Variants in ZSCAN26 observed in about 807,000 individuals in gnomAD.
The protein encoded by ZSCAN26 is zinc finger and SCAN domain-containing protein 26.
In ZSCAN26, 26 loss-of-function variants were observed where a neutral mutation model predicts 23.0. That is an observed-to-expected ratio of 1.13 (90% CI 0.83 to 1.57). The LOEUF (loss-of-function observed/expected upper bound fraction) is 1.57, where lower values mean the gene tolerates loss of function less well. ZSCAN26 is among the 40% of genes most tolerant of loss of function. The pLI, the probability that ZSCAN26 is intolerant of heterozygous loss-of-function variation, is 0.00. For synonymous variants in ZSCAN26, 180 were observed against 202.5 expected (o/e 0.89, Z 0.94); for missense variants, 528 against 568.5 (o/e 0.93, Z 0.72).
At chr6:28,273,302 G>C (rs900627722) in intron 3 of ZSCAN26, among the ~76,000 whole-genome samples, 3 of 152,146 alleles carry the variant, frequency 2.0e-5, no homozygotes, top group Non-Finnish European at 4.4e-5. Context: ...CAACACTTTG[G>C]GGGGCCAAGG....
chr6:28,271,312 G>GA (rs1349098088), intron 1 of ZSCAN26, among the ~76,000 whole-genome samples: 5 of 152,046 alleles, frequency 3.3e-5, no homozygotes, highest in Non-Finnish European at 7.4e-5. Context: ...TTTTTTGTCT[G>GA]AAAAAACTTT....
chr6:28,277,104 T>G lies in ZSCAN26; in HGVS notation c.*8T>G. The G allele has an allele frequency of 6.2e-7, 1 of 1,608,118 alleles. No homozygotes were observed. Among genetic ancestry groups the G allele is most frequent in the East Asian group, 2.2e-5 (1 of 44,840 alleles). The stretch of plus-strand genomic sequence containing the variant: ...AAAGACAAACTGGCTTGATGAGGTG[T>G]TCTCTCCTTGTAGAACATCAGAGAA... On this transcript the variant is annotated 3_prime_UTR_variant, in exon 4 of 4. Coordinates refer to ENST00000421553, the MANE Select transcript of ZSCAN26 (RefSeq NM_001023560.4).
chr6:28,272,633 T>C lies in ZSCAN26; in HGVS notation c.421-37T>C, dbSNP rs142223253. On this transcript the variant is annotated intron_variant, in intron 2 of 3. Transcript: ENST00000421553. ...AACAGCAGTTTCCTAAACCCACATA[T>C]ATCTAATTATGCCTCCATATACCTA... The C allele has an allele frequency of 9.6e-4, 1,455 of 1,508,280 alleles. 34 individuals carry two copies. In the East Asian group the frequency reaches 0.032, roughly 33 times the overall value. The allele number at this position is 1,508,280 out of a possible 1,614,324, so 93.4% of individuals were successfully genotyped here. A position where few individuals can be genotyped will look rare whatever the true frequency, so the allele number is the denominator to read the frequency against.
intron 1 of ZSCAN26, among the ~76,000 whole-genome samples, chr6:28,271,315 A>G (rs1581609101): frequency 6.6e-6 from 1 of 152,012 alleles, no homozygotes; most frequent in Non-Finnish European, 1.5e-5. Context: ...TTTGTCTGAA[A>G]AAACTTTCTC....
At position 28,276,507 on chromosome 6, in the gene ZSCAN26, A is replaced by G; in HGVS notation, c.851A>G (p.Gln284Arg). The change falls in exon 4 of 4, where the codon CAG becomes CGG. Residue 284 changes from glutamine to arginine, a missense_variant. Physicochemically the swap from Gln to Arg is conservative, Grantham distance 43. Transcript: ENST00000421553. ...KKVLSREKGHQCHECGKAFQR... is the reference protein window; with the variant it reads ...KKVLSREKGHRCHECGKAFQR... ...GTCCTCTCTAGAGAGAAAGGTCATC[A>G]GTGTCATGAGTGTGGGAAAGCCTTT... 6.2e-7 allele frequency: 1 copy of G among 1,613,990 alleles called. No homozygotes were observed. The highest frequency in any genetic ancestry group is 8.5e-7 in the Non-Finnish European group (1 of 1,179,872).
Position 28,271,959 on chromosome 6 carries a change from C to G in ZSCAN26, c.40C>G (p.Leu14Val), listed in dbSNP as rs1273703535. The G allele has an allele frequency of 3.2e-6, 5 of 1,551,658 alleles. No individual in the cohort carries two copies. The highest frequency in any genetic ancestry group is 2.0e-5 in the Admixed American group (1 of 51,000). ...GGTGAGTGCCCATTCCCTGGCTCCC[C>G]TGAATCTGAAGAAGGAGGGGCTTCG... is the stretch of plus-strand genomic sequence containing the variant. ...ALVSAHSLAPLNLKKEGLRVV... is the reference protein window; with the variant it reads ...ALVSAHSLAPVNLKKEGLRVV... The change falls in exon 2 of 4, where the codon CTG (leucine) becomes GTG (valine). Residue 14 changes from leucine (L) to valine (V), a missense_variant. Coordinates refer to ENST00000421553, the MANE Select transcript of ZSCAN26 (RefSeq NM_001023560.4).
intron 1 of ZSCAN26, among the ~76,000 whole-genome samples, chr6:28,271,440 A>G (rs1371532563): frequency 1.3e-5 from 2 of 151,554 alleles, no homozygotes; most frequent in African/African-American, 4.9e-5. Context: ...CCCAGGCTGA[A>G]CTCAGACTCC....
At chr6:28,271,783 C>A in intron 1 of ZSCAN26, 71 bp from the exon 2 acceptor site, 2 of 791,100 alleles carry the variant, frequency 2.5e-6, no homozygotes, top group Non-Finnish European at 3.9e-6. Context: ...ATGTATAAAC[C>A]CAAGAAAATG....
chr6:28,269,167 CAT>C (rs984740258), intron 1 of ZSCAN26, among the ~76,000 whole-genome samples: 5 of 150,804 alleles, frequency 3.3e-5, no homozygotes, highest in African/African-American at 4.9e-5. Flanking sequence ...CATCATACCA[CAT>C]GTTTATTTAT....
Position 28,276,370 on chromosome 6 carries a change from G to GC in ZSCAN26, c.715dup (p.Gln239ProfsTer11). On this transcript the variant is annotated frameshift_variant, in exon 4 of 4. Coordinates refer to ENST00000421553, the MANE Select transcript of ZSCAN26 (RefSeq NM_001023560.4). LOFTEE classifies it low-confidence loss of function (END_TRUNC). ...TTGAGTATAAATGCTCAGAACGTGA[G>GC]CAGAGATTCATCCAGCACTTGGACC... The GC allele has an allele frequency of 6.2e-7, 1 of 1,614,018 alleles. No homozygotes were observed. The highest frequency in any genetic ancestry group is 1.3e-5 in the African/African-American group (1 of 75,058).
chr6:28,276,210 T>C lies in ZSCAN26; in HGVS notation c.554T>C (p.Ile185Thr), dbSNP rs1761923483. ...AATATTGCAGGTGAGGAGACAAGGA[T>C]TGAGAATGGGAAGCTTATTGTAGTA... ...PEKEKGEETR[I>T]ENGKLIVVTD... Residue 185 changes from isoleucine (I) to threonine (T), a missense_variant, in exon 4 of 4, where the codon ATT (isoleucine) becomes ACT (threonine). Coordinates refer to ENST00000421553, the MANE Select transcript of ZSCAN26 (RefSeq NM_001023560.4). 1 of 1,610,254 alleles carries C rather than the reference T, an allele frequency of 6.2e-7. No homozygotes were observed. The highest frequency in any genetic ancestry group is 1.1e-5 in the South Asian group (1 of 90,662).
chr6:28,274,235 T>C (rs1161710657), intron 3 of ZSCAN26, among the ~76,000 whole-genome samples: 1 of 152,150 alleles, frequency 6.6e-6, no homozygotes, highest in African/African-American at 2.4e-5. Context: ...CCTCAATAAA[T>C]GTCTGTTTGA....
At chr6:28,271,565 G>A (rs1228097857) in intron 1 of ZSCAN26, among the ~76,000 whole-genome samples, 1 of 152,074 alleles carries the variant, frequency 6.6e-6, no homozygotes, top group Non-Finnish European at 1.5e-5. Context: ...CTGGGCTTAA[G>A]CAGTCTTCCC....
Position 28,276,993 on chromosome 6 carries a change from A to T in ZSCAN26, c.1337A>T (p.Asn446Ile), listed in dbSNP as rs916143982. The T allele has an allele frequency of 6.2e-7, 1 of 1,614,016 alleles. No homozygotes were observed. Residue 446 changes from asparagine to isoleucine, a missense_variant, in exon 4 of 4, where the codon AAT becomes ATT. Physicochemically the swap from Asn to Ile is moderately radical, Grantham distance 149. Coordinates refer to ENST00000421553, the MANE Select transcript of ZSCAN26 (RefSeq NM_001023560.4). Reference sequence around the variant, plus strand: ...CTTGCTCAGCATGTAAGAATCCACAATGAAGAAAAACCCTATCAGTGTAGT... The same window carrying T: ...CTTGCTCAGCATGTAAGAATCCACATTGAAGAAAAACCCTATCAGTGTAGT... ...SHLAQHVRIH[N>I]EEKPYQCSEC...
At chr6:28,270,281 T>C (rs67998226) in intron 1 of ZSCAN26, among the ~76,000 whole-genome samples, 9,429 of 152,282 alleles carry the variant, frequency 0.062, 374 homozygotes, top group Non-Finnish European at 0.088. Context: ...TTCAGGAATA[T>C]ATAACAGCAA....
chr6:28,272,428 A>G, intron 2 of ZSCAN26, 89 bp downstream of exon 2: 1 of 1,386,072 alleles, frequency 7.2e-7, no homozygotes, highest in East Asian at 2.5e-5. Context: ...CGGAAGGAGA[A>G]TTACTAAGCT....
chr6:28,272,328 G>A lies in ZSCAN26; in HGVS notation c.409G>A (p.Gly137Arg), dbSNP rs546712749. 9 of 1,536,104 alleles carry A rather than the reference G, an allele frequency of 5.9e-6. No homozygotes were observed. The African/African-American group carries it at 1.1e-4, about 19-fold the overall frequency. ...TTTGCAGCTGGATCTTGGAGAAACA[G>A]GACAACAGGTGGTAAGGGTCAGATG... The part of the protein sequence containing the change: ...EDLQLDLGET[G>R]QQVDPDQPKK... Residue 137 changes from glycine (G) to arginine (R), a missense_variant, in exon 2 of 4, where the codon GGA becomes AGA. By Grantham distance (125) the Gly-to-Arg change is moderately radical (BLOSUM62 -2). Transcript: ENST00000421553.
In ZSCAN26 at chr6:28,276,241, C is replaced by T; in HGVS notation, c.585C>T (p.Asp195=). 2 of 1,613,756 alleles carry T rather than the reference C, an allele frequency of 1.2e-6. No individual in the cohort carries two copies. The highest frequency in any genetic ancestry group is 1.7e-6 in the Non-Finnish European group (2 of 1,179,792). Residue 195 remains aspartate, a synonymous_variant, in exon 4 of 4, where the codon GAC becomes GAT. Transcript: ENST00000421553. ...IENGKLIVVT[D]SCGRVESSGK... is the part of the protein sequence containing the mutation. The stretch of plus-strand genomic sequence containing the variant: ...ATGGGAAGCTTATTGTAGTAACAGA[C>T]TCTTGTGGAAGAGTAGAGTCATCTG...
In ZSCAN26 at chr6:28,276,588, A is replaced by C; in HGVS notation, c.932A>C (p.Tyr311Ser). The C allele has an allele frequency of 6.2e-7, 1 of 1,613,102 alleles. No individual in the cohort carries two copies. The highest frequency in any genetic ancestry group is 8.5e-7 in the Non-Finnish European group (1 of 1,179,490). ...AAAATCCATCTTGGTGAGAAGCCTT[A>C]TCAGTGCAATGAGTGTGGCAAAGTC... Reference protein sequence around the residue: ...HQKIHLGEKPYQCNECGKVFS... With the variant: ...HQKIHLGEKPSQCNECGKVFS... The change falls in exon 4 of 4, where the codon TAT (tyrosine) becomes TCT (serine). Residue 311 changes from tyrosine to serine, a missense_variant. By Grantham distance (144) the Tyr-to-Ser change is moderately radical. Coordinates refer to ENST00000421553, the MANE Select transcript of ZSCAN26 (RefSeq NM_001023560.4).
Sources: gnomAD v4.1 joint callset for allele counts (sites outside exome capture counted in the v4.1 genomes callset) on GRCh38, gnomAD v4.1.1 for gene constraint, MANE v1.5 for transcripts, NCBI Gene and HGNC (gene_info 2026-07-23, HGNC 2026-07-21) for gene names.